The following OTOGL variants were observed in gnomAD, a reference collection of about 807,000 sequenced individuals.
OTOGL encodes otogelin like, also known as otogelin-like protein.
In OTOGL, 285 loss-of-function variants were observed where a neutral mutation model predicts 318.5. The observed-to-expected ratio is 0.89, with a 90% CI of 0.81 to 0.99. The LOEUF is 0.99. Among genes scored for constraint, OTOGL ranks in the 50% least tolerant of loss-of-function variants. OTOGL has a pLI of 0.00. For missense variants in OTOGL, 2,899 were observed against 2,845.6 expected, an observed-to-expected ratio of 1.02 and a Z score of -0.43; for synonymous variants, 987 against 936.5, an observed-to-expected ratio of 1.05 and a Z score of -0.99.
Position 80,339,223 on chromosome 12 carries a change from G to C in OTOGL, c.5009G>C (p.Gly1670Ala). 6.2e-7 allele frequency: 1 copy of C among 1,608,286 alleles called. No individual in the cohort carries two copies. Among genetic ancestry groups the C allele is most frequent in the South Asian group, 1.1e-5 (1 of 90,944 alleles). ...HLTGIIDIHF[G>A]FRFNLSSYTE... ...ACAGGAATCATAGACATTCATTTTG[G>C]CTTCCGATTTAACTTGTCATCCTAC... The change falls in exon 43 of 59, where the codon GGC becomes GCC. Residue 1670 changes from glycine (G) to alanine (A), a missense_variant. Physicochemically the swap from Gly to Ala is moderately conservative, Grantham distance 60. Coordinates refer to ENST00000547103, the MANE Select transcript of OTOGL (RefSeq NM_001378609.3).
rs1194199243 is a variant in OTOGL at position 80,305,584 on chromosome 12, A to G, written c.3222A>G (p.Leu1074=). The change falls in exon 29 of 59, where the codon CTA becomes CTG. Residue 1074 remains leucine, a synonymous_variant. Transcript: ENST00000547103. ...IKVGPQWKNK[L]SGLCGNFDKC... ...ATTTTCTCTTACTTTAGAACAAGCT[A>G]TCAGGATTGTGTGGAAACTTTGACA... The G allele has an allele frequency of 2.6e-6, 4 of 1,558,560 alleles. No individual in the cohort carries two copies. Among genetic ancestry groups the G allele is most frequent in the East Asian group, 2.3e-5 (1 of 43,766 alleles).
chr12:80,336,932 T>C lies in OTOGL; in HGVS notation c.4788T>C (p.Ser1596=), dbSNP rs1341014439. 2.5e-6 allele frequency: 4 copies of C among 1,591,366 alleles called. No individual in the cohort carries two copies. Among genetic ancestry groups the C allele is most frequent in the Non-Finnish European group, 3.4e-6 (4 of 1,167,496 alleles). The stretch of plus-strand genomic sequence containing the variant: ...TTAAGGCTCCCTCTGGAAGAATCTC[T>C]GGACTTTGTTTTAAGAAGTTAAATG... ...LKKLAPSGRI[S]GLCFKKLNVT... The change falls in exon 42 of 59, where the codon TCT becomes TCC. Residue 1596 remains serine, a synonymous_variant. Coordinates refer to ENST00000547103, the MANE Select transcript of OTOGL (RefSeq NM_001378609.3).
chr12:80,128,134 A>C (rs192665759), intron 1 of OTOGL, among the ~76,000 whole-genome samples: 1 of 152,022 alleles, frequency 6.6e-6, no homozygotes, highest in Admixed American at 6.5e-5. Flanking sequence ...TAGAATTTTC[A>C]GTTTTTCTGC....
Position 80,307,892 on chromosome 12 carries a change from C to T in OTOGL, c.3333+2197C>T, listed in dbSNP as rs554039349. Among the ~76,000 whole-genome samples the T allele has an allele frequency of 4.7e-4, 65 of 137,322 alleles. 1 individual carries two copies. The East Asian group carries it at 0.013, about 27-fold the overall frequency. 90.1% of individuals were successfully genotyped at this position (137,322 alleles called of 152,430 possible). A position where few individuals can be genotyped will look rare whatever the true frequency, so the allele number is the denominator to read the frequency against. ...GCTGACCCCCCCACCTCCCTCCCTC[C>T]CGGACGGGGCGGCTGGCCGGGCGGG... On this transcript the variant is annotated intron_variant, in intron 29 of 58. Transcript: ENST00000547103.
At chr12:80,367,493 G>C in intron 53 of OTOGL, 68 bp from the exon 54 acceptor site, 1 of 1,213,062 alleles carries the variant, frequency 8.2e-7, no homozygotes, top group Non-Finnish European at 1.1e-6. Flanking sequence ...TCAAATATAA[G>C]TTCCAACGAT....
chr12:80,328,586 G>A (rs1312666003), intron 35 of OTOGL, 79 bp from the exon 36 acceptor site: 11 of 1,045,304 alleles, frequency 1.1e-5, no homozygotes, highest in African/African-American at 4.8e-5. Flanking sequence ...TATCTTAGTC[G>A]CATATGTTAA....
intron 58 of OTOGL, 141 bp from the exon 59 acceptor site, chr12:80,377,707 T>A: frequency 1.5e-6 from 1 of 677,616 alleles, no homozygotes; most frequent in Non-Finnish European, 2.5e-6. Flanking sequence ...TTATTGTTTT[T>A]TACGATCTTG....
chr12:80,320,841 T>G, intron 34 of OTOGL, 141 bp downstream of exon 34: 1 of 748,438 alleles, frequency 1.3e-6, no homozygotes, highest in Non-Finnish European at 2.1e-6. Flanking sequence ...TCTTAACCTC[T>G]ATACCCCTCT....
At chr12:80,120,177 G>C (rs1339967090) in intron 1 of OTOGL, among the ~76,000 whole-genome samples, 3 of 151,888 alleles carry the variant, frequency 2.0e-5, no homozygotes, top group Non-Finnish European at 4.4e-5. Flanking sequence ...GGGGTAGCTG[G>C]GGTGATAGAT....
chr12:80,361,801 C>T (rs774017199), intron 52 of OTOGL, among the ~76,000 whole-genome samples: 8 of 152,108 alleles, frequency 5.3e-5, no homozygotes, highest in Non-Finnish European at 1.0e-4. Flanking sequence ...TATTCAGGCC[C>T]TTTGCCCATT....
At chr12:80,301,344 C>T (rs1262390823) in intron 27 of OTOGL, among the ~76,000 whole-genome samples, 1 of 152,206 alleles carries the variant, frequency 6.6e-6, no homozygotes, top group Non-Finnish European at 1.5e-5. Flanking sequence ...TCATTTCTCT[C>T]TGCTTTATCC....
chr12:80,261,686 T>C (rs1882538718), intron 18 of OTOGL, among the ~76,000 whole-genome samples: 2 of 152,144 alleles, frequency 1.3e-5, no homozygotes, highest in South Asian at 4.1e-4. Flanking sequence ...TTCTCGGAGA[T>C]TCTGCTTTGC....
chr12:80,347,252 C>T (rs1889254705), intron 44 of OTOGL, among the ~76,000 whole-genome samples: 1 of 152,036 alleles, frequency 6.6e-6, no homozygotes, highest in Non-Finnish European at 1.5e-5. Flanking sequence ...AACCCATCAA[C>T]CCGTCATCTA....
At chr12:80,262,418 A>G (rs1882621065) in intron 19 of OTOGL, among the ~76,000 whole-genome samples, 1 of 152,098 alleles carries the variant, frequency 6.6e-6, no homozygotes. Flanking sequence ...TTTAAATACT[A>G]AAGAAAAGCC....
At chr12:80,372,191 T>C in intron 57 of OTOGL, 127 bp downstream of exon 57, 1 of 581,790 alleles carries the variant, frequency 1.7e-6, no homozygotes, top group Non-Finnish European at 2.6e-6. Flanking sequence ...ATAAAATATT[T>C]TTGTATCGTA....
intron 37 of OTOGL, among the ~76,000 whole-genome samples, chr12:80,332,532 C>G (rs1047377150): frequency 9.9e-5 from 15 of 152,276 alleles, no homozygotes; most frequent in African/African-American, 3.6e-4. Context: ...CTAGGGCTTC[C>G]ACATGGTCCA....
intron 1 of OTOGL, among the ~76,000 whole-genome samples, chr12:80,123,182 C>T (rs1174624344): frequency 3.9e-5 from 6 of 152,092 alleles, no homozygotes; most frequent in African/African-American, 1.4e-4. Flanking sequence ...TATCCCTCCC[C>T]CTTCCCCCAC....
At chr12:80,312,294 T>C (rs2137796681) in intron 30 of OTOGL, among the ~76,000 whole-genome samples, 1 of 152,310 alleles carries the variant, frequency 6.6e-6, no homozygotes, top group South Asian at 2.1e-4. Flanking sequence ...GAAGCAGATA[T>C]GAGAATCCCC....
In OTOGL at chr12:80,377,837, A is replaced by T. The variant is rs1210055842; in HGVS notation, c.6862-11A>T. 6.3e-7 allele frequency: 1 copy of T among 1,590,700 alleles called. No individual in the cohort carries two copies. Among genetic ancestry groups the T allele is most frequent in the Admixed American group, 1.7e-5 (1 of 58,168 alleles). On this transcript the variant is annotated splice_polypyrimidine_tract_variant and intron_variant, in intron 58 of 58. Coordinates refer to ENST00000547103, the MANE Select transcript of OTOGL (RefSeq NM_001378609.3). ...GTTTAAGACTTTTTTTCTCATTGTC[A>T]CTTCTTACAGATAAATGTTGCATCT...
Sources: allele counts gnomAD v4.1 joint callset (sites outside exome capture counted in the v4.1 genomes callset), GRCh38; gene constraint gnomAD v4.1.1; transcripts MANE v1.5; gene names NCBI Gene and HGNC (gene_info 2026-07-23, HGNC 2026-07-21).